The following PCDH15 variants were observed in gnomAD, a reference collection of about 807,000 sequenced individuals.
The protein encoded by PCDH15 is protocadherin-15.
A neutral mutation model predicts 178.5 loss-of-function variants in PCDH15; 129 were observed. The ratio of observed to expected loss-of-function variants is 0.72; its 90% confidence interval spans 0.63 to 0.84. The LOEUF (loss-of-function observed/expected upper bound fraction) is 0.84, where lower values mean the gene tolerates loss of function less well. PCDH15 is among the 40% of genes least tolerant of loss of function. PCDH15 has a pLI of 0.00. For missense variants in PCDH15, 2,230 were observed against 2,099.9 expected, an observed-to-expected ratio of 1.06 and a Z score of -1.21; for synonymous variants, 800 against 732.0, an observed-to-expected ratio of 1.09 and a Z score of -1.50.
intron 26 of PCDH15, among the ~76,000 whole-genome samples, chr10:53,888,361 T>TATAG (rs2081297884): frequency 7.1e-6 from 1 of 141,384 alleles, no homozygotes; most frequent in Non-Finnish European, 1.5e-5. Context: ...TATATATACA[T>TATAG]ATATATATAT....
In PCDH15 at chr10:55,503,436, T is replaced by C. The variant is rs982942212; in HGVS notation, c.-156+124189A>G. On this transcript the variant is annotated intron_variant, in intron 2 of 5. Transcript: ENST00000613346. ...TTAAAATATATTTAAATATATGGAA[T>C]GTTTATTTTGATGTGATGGAATCTT... Among the ~76,000 whole-genome samples, 39 of 149,666 alleles carry C rather than the reference T, an allele frequency of 2.6e-4. 1 individual carries two copies. Among genetic ancestry groups the C allele is most frequent in the African/African-American group, 9.2e-4 (38 of 41,166 alleles).
intron 9 of PCDH15, among the ~76,000 whole-genome samples, chr10:54,234,635 G>A (rs531240808): frequency 1.4e-4 from 21 of 152,292 alleles, no homozygotes; most frequent in African/African-American, 4.6e-4. Context: ...GTGAGTTAAA[G>A]TCAGGATTTT....
At chr10:54,287,235 T>A (rs1002332162) in intron 8 of PCDH15, among the ~76,000 whole-genome samples, 1 of 152,240 alleles carries the variant, frequency 6.6e-6, no homozygotes, top group Non-Finnish European at 1.5e-5. Flanking sequence ...AAAAATAGTT[T>A]AGAAAATTGT....
chr10:54,234,537 A>G (rs2054430547), intron 9 of PCDH15, among the ~76,000 whole-genome samples: 1 of 152,160 alleles, frequency 6.6e-6, no homozygotes, highest in Admixed American at 6.5e-5. Flanking sequence ...CGGGTGACAG[A>G]GCAAGACACT....
chr10:55,397,769 A>G (rs1176107222), intron 2 of PCDH15, among the ~76,000 whole-genome samples: 1 of 151,514 alleles, frequency 6.6e-6, no homozygotes, highest in Non-Finnish European at 1.5e-5. Flanking sequence ...TATTTCTAGT[A>G]TAGATGGGGG....
chr10:54,736,600 T>G (rs1944158981), intron 1 of PCDH15, among the ~76,000 whole-genome samples: 1 of 152,132 alleles, frequency 6.6e-6, no homozygotes, highest in African/African-American at 2.4e-5. Flanking sequence ...AGGAGAACTC[T>G]TTCCTCTGCA....
rs988689709 is a variant in PCDH15, at chr10:54,513,892, G to A, written c.157+13920C>T. Among the ~76,000 whole-genome samples, 4 of 152,164 alleles carry A rather than the reference G, an allele frequency of 2.6e-5. No homozygotes were observed. In the East Asian group the frequency reaches 5.8e-4, roughly 22 times the overall value. On this transcript the variant is annotated intron_variant, in intron 3 of 37. Coordinates refer to ENST00000644397, the MANE Select transcript of PCDH15 (RefSeq NM_001384140.1). ...TCACAGAAATTGCATGTAATATAAT[G>A]ATCCAAATATTCTCTATTCTGAGAT...
At chr10:54,355,706 C>T (rs1196736473) in intron 5 of PCDH15, among the ~76,000 whole-genome samples, 3 of 151,862 alleles carry the variant, frequency 2.0e-5, no homozygotes, top group Non-Finnish European at 1.5e-5. Context: ...TCAAATTAGC[C>T]AGTACCTGCA....
intron 5 of PCDH15, among the ~76,000 whole-genome samples, chr10:54,355,309 A>AC (rs1221087723): frequency 2.6e-5 from 4 of 151,976 alleles, no homozygotes; most frequent in Non-Finnish European, 5.9e-5. Context: ...TTGGTGAATA[A>AC]TCTGAAATGA....
intron 15 of PCDH15, among the ~76,000 whole-genome samples, chr10:54,109,880 G>C (rs189642791): frequency 6.6e-6 from 1 of 152,290 alleles, no homozygotes; most frequent in East Asian, 1.9e-4. Flanking sequence ...ATAGATGCTT[G>C]AGGTGATGGA....
intron 3 of PCDH15, among the ~76,000 whole-genome samples, chr10:54,872,033 T>C (rs1954049277): frequency 6.6e-6 from 1 of 152,048 alleles, no homozygotes; most frequent in Non-Finnish European, 1.5e-5. Context: ...GTAAACTCAA[T>C]CCAGTGAAAT....
At chr10:55,152,134 A>T (rs1838742650) in intron 2 of PCDH15, among the ~76,000 whole-genome samples, 1 of 152,112 alleles carries the variant, frequency 6.6e-6, no homozygotes. Flanking sequence ...GAAATTCTTG[A>T]TTACAGATGG....
intron 21 of PCDH15, among the ~76,000 whole-genome samples, chr10:53,972,011 G>A (rs1370589650): frequency 2.0e-5 from 3 of 152,090 alleles, no homozygotes; most frequent in African/African-American, 7.2e-5. Context: ...AAAGCTGGAG[G>A]TATCACGCTA....
At chr10:55,434,127 C>A (rs1838969461) in intron 2 of PCDH15, among the ~76,000 whole-genome samples, 1 of 120,420 alleles carries the variant, frequency 8.3e-6, no homozygotes, top group Non-Finnish European at 1.6e-5. Context: ...GTCGCCCAGG[C>A]TGGAGTGCAG....
Position 54,790,699 on chromosome 10 carries a change from G to C in PCDH15, c.-29+10226C>G, listed in dbSNP as rs185380330. Among the ~76,000 whole-genome samples, 176 of 151,836 alleles carry C rather than the reference G, an allele frequency of 1.2e-3. 1 individual carries two copies. The highest frequency in any genetic ancestry group is 4.7e-4 in the Non-Finnish European group (32 of 67,892). Reference sequence around the variant, plus strand: ...AATAATAAACACTGAACAATTACACGTGAAGATATATATGTTTCCATTGCC... The same window carrying C: ...AATAATAAACACTGAACAATTACACCTGAAGATATATATGTTTCCATTGCC... On this transcript the variant is annotated intron_variant, in intron 1 of 37. Coordinates refer to ENST00000644397, the MANE Select transcript of PCDH15 (RefSeq NM_001384140.1).
chr10:55,626,332 A>G (rs1837528965), intron 2 of PCDH15, among the ~76,000 whole-genome samples: 1 of 152,150 alleles, frequency 6.6e-6, no homozygotes, highest in South Asian at 2.1e-4. Context: ...ACTGCTTTAT[A>G]GGATATCCCG....
At chr10:53,925,655 T>C (rs759917593) in intron 25 of PCDH15, among the ~76,000 whole-genome samples, 31 of 152,342 alleles carry the variant, frequency 2.0e-4, no homozygotes, top group African/African-American at 3.1e-4. Context: ...ATCATTACAC[T>C]GCCAGTGGAT....
rs185098703 is a variant in PCDH15, at chr10:54,992,483, C to T, written c.-79-94983G>A. Among the ~76,000 whole-genome samples the T allele has an allele frequency of 5.3e-3, 811 of 152,136 alleles. 4 individuals carry two copies. The highest frequency in any genetic ancestry group is 0.019 in the African/African-American group (772 of 41,496). On this transcript the variant is annotated intron_variant, in intron 2 of 5. Coordinates refer to the PCDH15 transcript ENST00000458638. Reference sequence around the variant, plus strand: ...AAAGGGTGAAGTTGATCGGGCGCAGCGGCTGACGTCTGTAATCCCAGCACT... The same window carrying T: ...AAAGGGTGAAGTTGATCGGGCGCAGTGGCTGACGTCTGTAATCCCAGCACT...
At chr10:55,594,349 C>G (rs1428893317) in intron 2 of PCDH15, among the ~76,000 whole-genome samples, 2 of 151,402 alleles carry the variant, frequency 1.3e-5, no homozygotes, top group Non-Finnish European at 3.0e-5. Context: ...AATAAGAACT[C>G]AAAATTTTTT....
Sources: allele counts gnomAD v4.1 joint callset (sites outside exome capture counted in the v4.1 genomes callset), GRCh38; gene constraint gnomAD v4.1.1; transcripts MANE v1.5; gene names NCBI Gene and HGNC (gene_info 2026-07-23, HGNC 2026-07-21).